Variants in GAREM1 observed in about 807,000 individuals in gnomAD.
GAREM1 encodes GRB2-associated and regulator of MAPK protein 1.
Under a neutral mutation model 71.3 loss-of-function variants are expected in GAREM1, and 26 were observed. That is an observed-to-expected ratio of 0.36 (90% CI 0.27 to 0.51). The LOEUF (loss-of-function observed/expected upper bound fraction) is 0.51, where lower values mean the gene tolerates loss of function less well. Among genes scored for constraint, GAREM1 ranks in the 20% least tolerant of loss-of-function variants. GAREM1 has a pLI of 0.95. For synonymous variants in GAREM1, 440 were observed against 433.2 expected (o/e 1.02, Z -0.20); for missense variants, 1,026 against 1,103.1 (o/e 0.93, Z 0.99).
At chr18:32,462,352 T>C (rs2048960595) in intron 1 of GAREM1, among the ~76,000 whole-genome samples, 1 of 152,226 alleles carries the variant, frequency 6.6e-6, no homozygotes, top group African/African-American at 2.4e-5. Flanking sequence ...TGATTTGCCA[T>C]TCCTGATTAA....
At chr18:32,356,085 T>A (rs996926436) in intron 2 of GAREM1, among the ~76,000 whole-genome samples, 3 of 152,178 alleles carry the variant, frequency 2.0e-5, no homozygotes, top group Non-Finnish European at 4.4e-5. Flanking sequence ...CAACTAAACA[T>A]CTGGCTTCTT....
intron 2 of GAREM1, among the ~76,000 whole-genome samples, chr18:32,377,033 A>G (rs2144634918): frequency 6.6e-6 from 1 of 152,332 alleles, no homozygotes; most frequent in South Asian, 2.1e-4. Context: ...AAGTATTATT[A>G]TCCTAATTTT....
intron 2 of GAREM1, among the ~76,000 whole-genome samples, chr18:32,333,832 G>C (rs910444099): frequency 6.6e-6 from 1 of 152,058 alleles, no homozygotes; most frequent in African/African-American, 2.4e-5. Context: ...GCTTATCATT[G>C]GTGTCAACAA....
chr18:32,284,836 A>G lies in GAREM1; in HGVS notation c.1566+2195T>C, dbSNP rs543113387. On this transcript the variant is annotated intron_variant, in intron 4 of 5. Transcript: ENST00000269209. ...GGGATCTCGGCTCACTGCAAGCTCC[A>G]CCTCCTGGGTTCATGCCATTCTCCT... Among the ~76,000 whole-genome samples, 5 of 140,484 alleles carry G rather than the reference A, an allele frequency of 3.6e-5. No homozygotes were observed. The South Asian group carries it at 6.7e-4, about 19-fold the overall frequency. 92.2% of individuals were successfully genotyped at this position (140,484 alleles called of 152,430 possible).
intron 2 of GAREM1, among the ~76,000 whole-genome samples, chr18:32,312,260 C>T (rs1454157691): frequency 2.0e-5 from 3 of 152,038 alleles, no homozygotes. Flanking sequence ...TGACCATGGG[C>T]CTGAGTGTGA....
chr18:32,322,462 T>C (rs2047438226), intron 2 of GAREM1, among the ~76,000 whole-genome samples: 1 of 152,120 alleles, frequency 6.6e-6, no homozygotes, highest in African/African-American at 2.4e-5. Context: ...CCAAAATCAA[T>C]TCACTTATTA....
rs145374037 is a variant in GAREM1 at position 32,304,718 on chromosome 18, G to C, written c.393+5475C>G. 4.3e-3 allele frequency among the ~76,000 whole-genome samples: 647 copies of C among 152,210 alleles called. 8 individuals carry two copies. The highest frequency in any genetic ancestry group is 0.014 in the African/African-American group (599 of 41,532). On this transcript the variant is annotated intron_variant, in intron 3 of 5. Coordinates refer to ENST00000269209, the MANE Select transcript of GAREM1 (RefSeq NM_001242409.2). ...GGGTAGTATCACCTCCATTTTGTAG[G>C]TAAAGACACTGTGGGCTCAGGTCTT...
At chr18:32,393,342 T>C (rs566244532) in intron 1 of GAREM1, among the ~76,000 whole-genome samples, 1 of 152,304 alleles carries the variant, frequency 6.6e-6, no homozygotes, top group African/African-American at 2.4e-5. Context: ...ATTAAGTGCC[T>C]AGAATATATT....
At chr18:32,362,799 G>A (rs929885669) in intron 2 of GAREM1, among the ~76,000 whole-genome samples, 1 of 152,156 alleles carries the variant, frequency 6.6e-6, no homozygotes, top group Non-Finnish European at 1.5e-5. Context: ...ATGTTTATCA[G>A]CCATGTTTGC....
chr18:32,293,721 G>A (rs1414651248), intron 3 of GAREM1, among the ~76,000 whole-genome samples: 1 of 152,030 alleles, frequency 6.6e-6, no homozygotes, highest in Non-Finnish European at 1.5e-5. Context: ...CACTGCAAGA[G>A]GAAAAAAGTA....
chr18:32,344,783 C>T (rs1172805611), intron 2 of GAREM1, among the ~76,000 whole-genome samples: 13 of 152,124 alleles, frequency 8.5e-5, no homozygotes, highest in Admixed American at 5.2e-4. Flanking sequence ...GTCTGTAGGC[C>T]GGGCACGGTG....
chr18:32,464,420 G>A (rs1449609841), intron 1 of GAREM1, among the ~76,000 whole-genome samples: 1 of 152,232 alleles, frequency 6.6e-6, no homozygotes, highest in Non-Finnish European at 1.5e-5. Flanking sequence ...CTGAGAGGCT[G>A]AGGCCAGAGG....
intron 4 of GAREM1, among the ~76,000 whole-genome samples, chr18:32,272,881 GCGGGT>G (rs2041483144): frequency 6.6e-6 from 1 of 152,216 alleles, no homozygotes; most frequent in Non-Finnish European, 1.5e-5. Flanking sequence ...CCTTAGCCAG[GCGGGT>G]CTTCTTAAGA....
Position 32,264,912 on chromosome 18 carries a change from C to G in GAREM1, c.*2959G>C, listed in dbSNP as rs1182615253. On this transcript the variant is annotated 3_prime_UTR_variant, in exon 6 of 6. Transcript: ENST00000269209. ...GGTCTTGTTTAGATAGACACTTCCT[C>G]TCTTTTGATTACAGGGGACCTGCCA... is the stretch of plus-strand genomic sequence containing the variant. 1 of 152,224 alleles carries G rather than the reference C, an allele frequency of 6.6e-6. No homozygotes were observed. The highest frequency in any genetic ancestry group is 2.4e-5 in the African/African-American group (1 of 41,456). 9.4% of individuals were successfully genotyped at this position (152,224 alleles called of 1,614,324 possible).
At chr18:32,308,174 C>T (rs1224096919) in intron 3 of GAREM1, among the ~76,000 whole-genome samples, 1 of 152,140 alleles carries the variant, frequency 6.6e-6, no homozygotes, top group Non-Finnish European at 1.5e-5. Flanking sequence ...TAAGCTCATA[C>T]TTCACACACT....
chr18:32,438,316 C>T (rs930713191), intron 1 of GAREM1, among the ~76,000 whole-genome samples: 16 of 152,242 alleles, frequency 1.1e-4, no homozygotes, highest in African/African-American at 2.2e-4. Context: ...GGCTTCCATC[C>T]GTGACCTTCC....
intron 1 of GAREM1, among the ~76,000 whole-genome samples, chr18:32,447,535 ATT>A (rs139510091): frequency 6.6e-6 from 1 of 152,102 alleles, no homozygotes; most frequent in Non-Finnish European, 1.5e-5. Context: ...TTAATGCAAC[ATT>A]TTCTTATCGC....
intron 2 of GAREM1, among the ~76,000 whole-genome samples, chr18:32,328,177 G>A (rs1362979173): frequency 3.9e-5 from 6 of 152,152 alleles, no homozygotes; most frequent in African/African-American, 9.7e-5. Context: ...AATACACTTC[G>A]AAATCTCTGT....
chr18:32,449,197 A>G (rs981752417), intron 1 of GAREM1, among the ~76,000 whole-genome samples: 1 of 152,224 alleles, frequency 6.6e-6, no homozygotes, highest in East Asian at 1.9e-4. Context: ...AGTGTTGTAC[A>G]GCAGCTGGCA....
Sources: allele counts gnomAD v4.1 joint callset (sites outside exome capture counted in the v4.1 genomes callset), GRCh38; gene constraint gnomAD v4.1.1; transcripts MANE v1.5; gene names NCBI Gene and HGNC (gene_info 2026-07-23, HGNC 2026-07-21).